Variants in PDE1A observed in about 807,000 individuals in gnomAD.
The protein encoded by PDE1A is dual specificity calcium/calmodulin-dependent 3',5'-cyclic nucleotide phosphodiesterase 1A.
In PDE1A, 35 loss-of-function variants were observed where a neutral mutation model predicts 61.7. The observed-to-expected ratio is 0.57, with a 90% CI of 0.43 to 0.75. PDE1A has a LOEUF of 0.75. Among genes scored for constraint, PDE1A ranks in the 30% least tolerant of loss-of-function variants. The probability of loss-of-function intolerance (pLI) is 0.00; values close to 1 mark genes in which losing one functional copy is unlikely to be tolerated. For synonymous variants in PDE1A, 232 were observed against 213.2 expected (o/e 1.09, Z -0.77); for missense variants, 597 against 630.6 (o/e 0.95, Z 0.57).
intron 2 of PDE1A, among the ~76,000 whole-genome samples, chr2:182,490,819 A>G (rs1053952833): frequency 7.2e-5 from 11 of 152,324 alleles, no homozygotes; most frequent in African/African-American, 2.2e-4. Flanking sequence ...TTAGTATACA[A>G]GTAGGGGATG....
upstream of PDE1A, among the ~76,000 whole-genome samples, chr2:182,527,325 AAAATAT>A (rs1690790406): frequency 2.6e-5 from 1 of 38,130 alleles, no homozygotes; most frequent in African/African-American, 1.2e-4. Flanking sequence ...AAAAAAAAAA[AAAATAT>A]ATATATATAT....
the PDE1A span, among the ~76,000 whole-genome samples, chr2:182,665,372 GA>G: frequency 1.3e-5 from 2 of 151,898 alleles, no homozygotes; most frequent in East Asian, 3.9e-4. Context: ...AAATTTACAG[GA>G]AAAAAAGAAA....
chr2:182,183,651 C>T (rs1035179186), intron 13 of PDE1A, among the ~76,000 whole-genome samples: 1 of 151,976 alleles, frequency 6.6e-6, no homozygotes, highest in Non-Finnish European at 1.5e-5. Flanking sequence ...ATTAGAGAGC[C>T]ATAGAAAGGC....
At chr2:182,357,280 C>CAA (rs549504477) in intron 1 of PDE1A, among the ~76,000 whole-genome samples, 1,866 of 144,520 alleles carry the variant, frequency 0.013, 24 homozygotes, top group South Asian at 0.049. Context: ...GGAAGGAAAA[C>CAA]AAAAAAAAAC....
At chr2:182,708,643 C>A in the PDE1A span, among the ~76,000 whole-genome samples, 2 of 152,110 alleles carry the variant, frequency 1.3e-5, no homozygotes, top group African/African-American at 4.8e-5. Context: ...GGGGAAACCA[C>A]CCCCATGATC....
chr2:182,686,196 C>T, the PDE1A span, among the ~76,000 whole-genome samples: 3 of 151,852 alleles, frequency 2.0e-5, no homozygotes, highest in South Asian at 4.2e-4. Context: ...ACAACAATAA[C>T]AAAAATGAAA....
At chr2:182,209,911 C>T (rs1485045104) in intron 7 of PDE1A, among the ~76,000 whole-genome samples, 1 of 152,136 alleles carries the variant, frequency 6.6e-6, no homozygotes, top group Non-Finnish European at 1.5e-5. Context: ...GAAGATAATA[C>T]AATTGGTTCC....
the PDE1A span, among the ~76,000 whole-genome samples, chr2:182,689,480 C>T: frequency 9.9e-5 from 15 of 152,116 alleles, no homozygotes; most frequent in South Asian, 4.2e-4. Context: ...TTGAAACCAA[C>T]GAGAACAAAG....
intron 3 of PDE1A, among the ~76,000 whole-genome samples, chr2:182,238,808 T>C (rs1204496933): frequency 6.6e-6 from 1 of 152,214 alleles, no homozygotes; most frequent in Non-Finnish European, 1.5e-5. Context: ...AATTGAAATT[T>C]AGCATATTCA....
the PDE1A span, among the ~76,000 whole-genome samples, chr2:182,701,318 A>G: frequency 2.0e-5 from 3 of 149,446 alleles, no homozygotes; most frequent in Admixed American, 1.3e-4. Flanking sequence ...TACAGGTGTG[A>G]GCCACCGCGC....
chr2:182,637,935 G>A, the PDE1A span, among the ~76,000 whole-genome samples: 139 of 151,702 alleles, frequency 9.2e-4, no homozygotes, highest in Non-Finnish European at 1.7e-3. Context: ...AAAACAAAAA[G>A]TCAAAGTCAT....
intron 1 of PDE1A, among the ~76,000 whole-genome samples, chr2:182,398,077 C>T (rs1373442026): frequency 6.6e-6 from 1 of 151,574 alleles, no homozygotes; most frequent in Non-Finnish European, 1.5e-5. Flanking sequence ...AAATGAAAGA[C>T]ATCACTGGAC....
chr2:182,626,202 C>T, the PDE1A span, among the ~76,000 whole-genome samples: 1 of 152,214 alleles, frequency 6.6e-6, no homozygotes, highest in Admixed American at 6.5e-5. Context: ...AACTTAAACA[C>T]CAGATAGCTA....
intron 2 of PDE1A, among the ~76,000 whole-genome samples, chr2:182,462,202 G>GT (rs1473455917): frequency 6.6e-6 from 1 of 151,998 alleles, no homozygotes; most frequent in Non-Finnish European, 1.5e-5. Flanking sequence ...TATACCTAAT[G>GT]TAAATGACGA....
At chr2:182,562,268 T>C in the PDE1A span, among the ~76,000 whole-genome samples, 3 of 151,660 alleles carry the variant, frequency 2.0e-5, no homozygotes, top group Non-Finnish European at 2.9e-5. Flanking sequence ...GCATGAAGGG[T>C]TGTTGAATTT....
chr2:182,236,123 T>C (rs1160293882), intron 3 of PDE1A, among the ~76,000 whole-genome samples: 1 of 152,226 alleles, frequency 6.6e-6, no homozygotes, highest in Non-Finnish European at 1.5e-5. Flanking sequence ...ACTTTACGTT[T>C]ATTTTAAATA....
rs1285976969 is a variant in PDE1A at position 182,176,359 on chromosome 2, C to G, written c.1517-8069G>C. On this transcript the variant is annotated intron_variant, in intron 13 of 13. Coordinates refer to ENST00000351439, the Ensembl canonical transcript of PDE1A. ...ATTTGTTTGTATCCTCTTTTATTTC[C>G]TTGAGCAGTGGTTTGTAGTTCCCTT... is the stretch of plus-strand genomic sequence containing the variant. 3.3e-4 allele frequency among the ~76,000 whole-genome samples: 49 copies of G among 149,336 alleles called. 1 individual carries two copies. The highest frequency in any genetic ancestry group is 3.4e-3 in the Middle Eastern group (1 of 294).
chr2:182,266,316 T>C (rs1441621629), intron 1 of PDE1A, among the ~76,000 whole-genome samples: 1 of 152,150 alleles, frequency 6.6e-6, no homozygotes, highest in East Asian at 1.9e-4. Context: ...CAAATGTGGT[T>C]ATAATGGATC....
chr2:182,638,207 A>C, the PDE1A span, among the ~76,000 whole-genome samples: 1 of 152,162 alleles, frequency 6.6e-6, no homozygotes, highest in Non-Finnish European at 1.5e-5. Context: ...TTTATTCTAT[A>C]AGTCTAAAAT....
Sources: gnomAD v4.1 joint callset for allele counts (sites outside exome capture counted in the v4.1 genomes callset) on GRCh38, gnomAD v4.1.1 for gene constraint, MANE v1.5 for transcripts, NCBI Gene and HGNC (gene_info 2026-07-23, HGNC 2026-07-21) for gene names.